The following SRPK2 variants were observed in gnomAD, a reference collection of about 807,000 sequenced individuals.
SRPK2 encodes the protein SRSF protein kinase 2.
Under a neutral mutation model 90.8 loss-of-function variants are expected in SRPK2, and 21 were observed. The ratio of observed to expected loss-of-function variants is 0.23; its 90% CI spans 0.16 to 0.33. The LOEUF (loss-of-function observed/expected upper bound fraction) is 0.33. Ranked by LOEUF, SRPK2 falls within the 10% of genes least tolerant of loss-of-function variation. SRPK2 has a pLI of 1.00. For synonymous variants in SRPK2, 288 were observed against 311.1 expected, an observed-to-expected ratio of 0.93 and a Z score of 0.78; for missense variants, 620 against 869.0, an observed-to-expected ratio of 0.71 and a Z score of 3.60.
chr7:105,309,948 G>A (rs1267316909), intron 2 of SRPK2, among the ~76,000 whole-genome samples: 1 of 152,216 alleles, frequency 6.6e-6, no homozygotes, highest in African/African-American at 2.4e-5. Context: ...CAGACATAAT[G>A]CCATAAGCAC....
intron 2 of SRPK2, among the ~76,000 whole-genome samples, chr7:105,216,914 A>C (rs1157761856): frequency 6.6e-6 from 1 of 152,162 alleles, no homozygotes; most frequent in Non-Finnish European, 1.5e-5. Flanking sequence ...TAAATATTAA[A>C]AGAGATGACA....
Position 105,350,191 on chromosome 7 carries a change from C to T in SRPK2, c.71+38457G>A, listed in dbSNP as rs185562089. 6.2e-5 allele frequency among the ~76,000 whole-genome samples: 9 copies of T among 144,120 alleles called. No homozygotes were observed. The East Asian group carries it at 1.8e-3, about 29-fold the overall frequency. 94.5% of individuals were successfully genotyped at this position (144,120 alleles called of 152,430 possible). A position where few individuals can be genotyped will look rare whatever the true frequency, so the allele number is the denominator to read the frequency against. On this transcript the variant is annotated intron_variant, in intron 2 of 15. Coordinates refer to ENST00000393651, the MANE Select transcript of SRPK2 (RefSeq NM_182692.3). ...TGTCACCCAGACTGGAGTACAGTGG[C>T]TCAATCTCAGCTCACTGCAACCTCC...
Position 105,126,183 on chromosome 7 carries a change from A to G in SRPK2, c.1915+65T>C. 3 of 1,310,126 alleles carry G rather than the reference A, an allele frequency of 2.3e-6. No individual in the cohort carries two copies. The Admixed American group carries it at 5.2e-5, about 23-fold the overall frequency. 81.2% of individuals were successfully genotyped at this position (1,310,126 alleles called of 1,614,324 possible). ...AATGCCTTTGTCACCATTAATGCTA[A>G]AATCAGCAGCTGCTCTTCAGTTTCT... On this transcript the variant is annotated intron_variant, in intron 15 of 15. Coordinates refer to ENST00000393651, the MANE Select transcript of SRPK2 (RefSeq NM_182692.3).
At chr7:105,296,531 A>T (rs1809835843) in intron 2 of SRPK2, among the ~76,000 whole-genome samples, 1 of 152,222 alleles carries the variant, frequency 6.6e-6, no homozygotes, top group African/African-American at 2.4e-5. Context: ...ATATTTCCTA[A>T]AATTCAAATG....
rs142351045 is a variant in SRPK2, at chr7:105,315,045, G to A, written c.71+73603C>T. ...GAATCCCAGCACTCTGGGAGGCTGA[G>A]GCAGGAAGATCACTTGAGCACAGGA... On this transcript the variant is annotated intron_variant, in intron 2 of 15. Transcript: ENST00000393651. 2.8e-3 allele frequency among the ~76,000 whole-genome samples: 428 copies of A among 152,284 alleles called. 11 individuals are homozygous for A. In the East Asian group the frequency reaches 0.055, roughly 20 times the overall value.
At chr7:105,191,487 G>A (rs920342797) in intron 3 of SRPK2, among the ~76,000 whole-genome samples, 4 of 152,188 alleles carry the variant, frequency 2.6e-5, no homozygotes, top group African/African-American at 9.7e-5. Context: ...GAGCCTGGGA[G>A]GTTGTAGTAG....
At chr7:105,122,449 G>A (rs933698072) in intron 15 of SRPK2, among the ~76,000 whole-genome samples, 10 of 152,180 alleles carry the variant, frequency 6.6e-5, no homozygotes, top group Non-Finnish European at 8.8e-5. Context: ...TCATCTGATG[G>A]AGGGATAAAC....
intron 2 of SRPK2, among the ~76,000 whole-genome samples, chr7:105,377,248 CAT>C (rs1425676368): frequency 1.3e-5 from 2 of 152,148 alleles, no homozygotes; most frequent in African/African-American, 2.4e-5. Context: ...CTTCTCTTCA[CAT>C]GTTAATGCAC....
At chr7:105,118,060 C>A (rs1166437950) in intron 15 of SRPK2, 38 bp from the exon 16 acceptor site, 2 of 1,603,346 alleles carry the variant, frequency 1.2e-6, no homozygotes, top group South Asian at 2.2e-5. Context: ...AAGAAAGCTC[C>A]AAATCTGCAT....
intron 2 of SRPK2, among the ~76,000 whole-genome samples, chr7:105,215,115 C>T (rs887009100): frequency 3.3e-5 from 5 of 152,234 alleles, no homozygotes; most frequent in South Asian, 2.1e-4. Context: ...CAAATGGGGA[C>T]GGAACAACCG....
At chr7:105,223,321 C>G (rs990519035) in intron 2 of SRPK2, among the ~76,000 whole-genome samples, 2 of 152,194 alleles carry the variant, frequency 1.3e-5, no homozygotes, top group Non-Finnish European at 2.9e-5. Context: ...ATAGGCTGAC[C>G]AGAAAGTCAC....
intron 13 of SRPK2, among the ~76,000 whole-genome samples, chr7:105,132,281 A>G (rs1033378341): frequency 1.3e-5 from 2 of 152,324 alleles, no homozygotes; most frequent in East Asian, 3.9e-4. Context: ...AAGAGAGATT[A>G]TGCATTGGCA....
chr7:105,220,915 G>A (rs1050896838), intron 2 of SRPK2, among the ~76,000 whole-genome samples: 30 of 152,068 alleles, frequency 2.0e-4, no homozygotes, highest in Admixed American at 1.7e-3. Flanking sequence ...GGGGCAGGAA[G>A]AGCTATACAA....
In SRPK2 at chr7:105,169,234, G is replaced by T; in HGVS notation, c.261C>A (p.Leu87=). Residue 87 remains leucine (L), a synonymous_variant, in exon 4 of 16, where the codon CTC becomes CTA. Coordinates refer to ENST00000393651, the MANE Select transcript of SRPK2 (RefSeq NM_182692.3). ...TAATAACATGATACCGGCCATTGAA[G>T]AGGTCTCCAATTTTCACTGGATGAT... is the stretch of plus-strand genomic sequence containing the variant. ...GGYHPVKIGD[L]FNGRYHVIRK... 1 of 1,613,978 alleles carries T rather than the reference G, an allele frequency of 6.2e-7. No individual in the cohort carries two copies. Among genetic ancestry groups the T allele is most frequent in the Middle Eastern group, 1.7e-4 (1 of 6,044 alleles).
chr7:105,359,555 G>A (rs557643069), intron 2 of SRPK2, among the ~76,000 whole-genome samples: 3 of 152,156 alleles, frequency 2.0e-5, no homozygotes, highest in East Asian at 1.9e-4. Flanking sequence ...TAATCAGAAC[G>A]CCTCTGCTTA....
intron 2 of SRPK2, among the ~76,000 whole-genome samples, chr7:105,284,318 A>G (rs1450829417): frequency 6.6e-6 from 1 of 152,224 alleles, no homozygotes; most frequent in Admixed American, 6.5e-5. Flanking sequence ...AAAAAATGGT[A>G]CATGCAAAGC....
At chr7:105,151,368 G>A (rs1397842077) in intron 7 of SRPK2, among the ~76,000 whole-genome samples, 1 of 152,100 alleles carries the variant, frequency 6.6e-6, no homozygotes, top group Non-Finnish European at 1.5e-5. Flanking sequence ...CTATGGGAGG[G>A]GGAAACACCT....
chr7:105,199,422 T>A (rs189545923), intron 3 of SRPK2, among the ~76,000 whole-genome samples: 1 of 152,248 alleles, frequency 6.6e-6, no homozygotes, highest in African/African-American at 2.4e-5. Flanking sequence ...ATACCTCAGA[T>A]TACATAACAC....
chr7:105,385,050 T>A (rs1254268154), intron 2 of SRPK2, among the ~76,000 whole-genome samples: 1 of 150,654 alleles, frequency 6.6e-6, no homozygotes, highest in African/African-American at 2.4e-5. Flanking sequence ...TTTTTTATAT[T>A]TTTAGTAGGG....
Sources: gnomAD v4.1 joint callset for allele counts (sites outside exome capture counted in the v4.1 genomes callset) on GRCh38, gnomAD v4.1.1 for gene constraint, MANE v1.5 for transcripts, NCBI Gene and HGNC (gene_info 2026-07-23, HGNC 2026-07-21) for gene names.